The following USP34 variants were observed in gnomAD, a reference collection of about 807,000 sequenced individuals.
USP34 encodes the protein ubiquitin carboxyl-terminal hydrolase 34.
In USP34, 70 loss-of-function variants were observed where a neutral mutation model predicts 460.3. That is an observed-to-expected ratio of 0.15 (90% CI 0.13 to 0.19). USP34 has a LOEUF of 0.19. USP34 is among the 10% of genes least tolerant of loss of function. The pLI, the probability that USP34 is intolerant of heterozygous loss-of-function variation, is 1.00. For missense variants in USP34, 3,985 were observed against 4,236.2 expected, an observed-to-expected ratio of 0.94 and a Z score of 1.65; for synonymous variants, 1,647 against 1,405.3, an observed-to-expected ratio of 1.17 and a Z score of -3.85.
Position 61,223,389 on chromosome 2 carries a change from A to G in USP34, c.7596-93T>C, listed in dbSNP as rs1687643716. 17 of 1,262,048 alleles carry G rather than the reference A, an allele frequency of 1.3e-5. No individual in the cohort carries two copies. In the South Asian group the frequency reaches 2.2e-4, roughly 16 times the overall value. 78.2% of individuals were successfully genotyped at this position (1,262,048 alleles called of 1,614,324 possible). On this transcript the variant is annotated intron_variant, in intron 62 of 79. Transcript: ENST00000398571. Reference sequence around the variant, plus strand: ...TGTATCAAAAATTGTTGATTCAATTATAATTGTATTAACCTGCCATCATAA... The same window carrying G: ...TGTATCAAAAATTGTTGATTCAATTGTAATTGTATTAACCTGCCATCATAA...
At position 61,443,898 on chromosome 2, in the gene USP34, G is replaced by A. The variant is rs78918282; in HGVS notation, c.44-23065C>T. 7.9e-5 allele frequency among the ~76,000 whole-genome samples: 12 copies of A among 152,128 alleles called. 1 individual carries two copies. Among genetic ancestry groups the A allele is most frequent in the African/African-American group, 2.7e-4 (11 of 41,404 alleles). On this transcript the variant is annotated intron_variant, in intron 1 of 79. Coordinates refer to ENST00000398571, the MANE Select transcript of USP34 (RefSeq NM_014709.4). ...AGATGTTGATAATGGAGGAGGCTTCGTGTGTGGGGAGTCAGGTGGCATACC... is the reference window on the plus strand; with the variant it reads ...AGATGTTGATAATGGAGGAGGCTTCATGTGTGGGGAGTCAGGTGGCATACC...
At chr2:61,467,617 GT>G (rs3980937) in intron 1 of USP34, among the ~76,000 whole-genome samples, 50 of 106,034 alleles carry the variant, frequency 4.7e-4, no homozygotes, top group Middle Eastern at 6.7e-3. Context: ...CTGTAACTTT[GT>G]TTTTTTTTTT....
intron 37 of USP34, 83 bp downstream of exon 37, chr2:61,283,062 T>C: frequency 6.9e-7 from 1 of 1,442,434 alleles, no homozygotes; most frequent in Non-Finnish European, 9.5e-7. Flanking sequence ...GCATATTTGT[T>C]TCCATTAGCT....
At chr2:61,283,814 C>T (rs1029188601) in intron 35 of USP34, among the ~76,000 whole-genome samples, 1 of 151,986 alleles carries the variant, frequency 6.6e-6, no homozygotes, top group Non-Finnish European at 1.5e-5. Context: ...TTTAAGAGAG[C>T]TCCATTATTT....
chr2:61,195,076 T>C (rs1428332348), intron 75 of USP34, among the ~76,000 whole-genome samples: 2 of 149,982 alleles, frequency 1.3e-5, no homozygotes, highest in African/African-American at 2.5e-5. Flanking sequence ...AAAAATTGGC[T>C]GGGTGTGGTG....
At chr2:61,395,023 T>C in intron 4 of USP34, 21 bp from the exon 5 acceptor site, 3 of 1,560,612 alleles carry the variant, frequency 1.9e-6, no homozygotes, top group South Asian at 2.5e-5. Flanking sequence ...AAAGAAAACA[T>C]GTCATTATTT....
At chr2:61,210,281 A>G (rs372752848) in intron 69 of USP34, among the ~76,000 whole-genome samples, 1 of 152,226 alleles carries the variant, frequency 6.6e-6, no homozygotes. Flanking sequence ...AGTGCCCTAC[A>G]CAAGTGTACC....
intron 1 of USP34, among the ~76,000 whole-genome samples, chr2:61,430,550 TATATG>T (rs1298887550): frequency 1.3e-5 from 2 of 152,206 alleles, no homozygotes; most frequent in East Asian, 3.8e-4. Context: ...TTGTGGTTCT[TATATG>T]AGTGTATACA....
In USP34 at chr2:61,280,315, G is replaced by C. The variant is rs184447011; in HGVS notation, c.5185C>G (p.Pro1729Ala). 6.5e-7 allele frequency: 1 copy of C among 1,549,668 alleles called. No individual in the cohort carries two copies. The highest frequency in any genetic ancestry group is 1.9e-5 in the Admixed American group (1 of 52,646). ...DDYEEEPILK[P>A]GCKEYFWLLC... ...AACCAAAAATACTCTTTACATCCTG[G>C]TTTTAATATTGGTTCTTCCTCATAA... is the stretch of plus-strand genomic sequence containing the variant. Residue 1729 changes from proline (P) to alanine (A), a missense_variant, in exon 39 of 80, where the codon CCA (proline) becomes GCA (alanine). Coordinates refer to ENST00000398571, the MANE Select transcript of USP34 (RefSeq NM_014709.4).
chr2:61,254,342 T>C (rs1015891114), intron 48 of USP34, among the ~76,000 whole-genome samples: 2 of 152,358 alleles, frequency 1.3e-5, no homozygotes, highest in South Asian at 4.1e-4. Context: ...TTTCCAACAA[T>C]TACATTATTT....
At chr2:61,363,356 A>G (rs1446313468) in intron 10 of USP34, among the ~76,000 whole-genome samples, 1 of 152,222 alleles carries the variant, frequency 6.6e-6, no homozygotes, top group African/African-American at 2.4e-5. Context: ...TCCTACTCCT[A>G]GGTACACGAT....
rs774786905 is a variant in USP34 at position 61,420,872 on chromosome 2, T to G, written c.44-39A>C. The stretch of plus-strand genomic sequence containing the variant: ...GAAATTTTAAAATTATGAATAATGC[T>G]AAACCAGTATTAAAGCCAACAGTTC... On this transcript the variant is annotated intron_variant, in intron 1 of 79. Transcript: ENST00000398571. The G allele has an allele frequency of 2.7e-6, 4 of 1,474,714 alleles. No individual in the cohort carries two copies. The Admixed American group carries it at 7.3e-5, about 27-fold the overall frequency. 91.4% of individuals were successfully genotyped at this position (1,474,714 alleles called of 1,614,324 possible).
intron 1 of USP34, among the ~76,000 whole-genome samples, chr2:61,466,259 T>C (rs1166689304): frequency 6.6e-6 from 1 of 151,808 alleles, no homozygotes; most frequent in East Asian, 1.9e-4. Context: ...ACCCCATCTC[T>C]ACTAAAAATA....
At chr2:61,391,764 T>A (rs1693353978) in intron 5 of USP34, among the ~76,000 whole-genome samples, 1 of 152,174 alleles carries the variant, frequency 6.6e-6, no homozygotes, top group Non-Finnish European at 1.5e-5. Flanking sequence ...TGTAGCAAGC[T>A]TGATTACAAA....
chr2:61,395,349 A>AATTTTT (rs1693484719), intron 3 of USP34, 116 bp from the exon 4 acceptor site: 7 of 685,720 alleles, frequency 1.0e-5, no homozygotes, highest in Non-Finnish European at 1.7e-5. Flanking sequence ...TTTTGCAATT[A>AATTTTT]CTCCTGATAA....
chr2:61,294,956 C>A lies in USP34; in HGVS notation c.4454G>T (p.Ser1485Ile), dbSNP rs1294028253. 2.5e-6 allele frequency: 4 copies of A among 1,611,422 alleles called. No individual in the cohort carries two copies. Among genetic ancestry groups the A allele is most frequent in the Non-Finnish European group, 3.4e-6 (4 of 1,178,870 alleles). Reference sequence around the variant, plus strand: ...AAACACATATGATCAAACCTTGCAACTCCAGGAATTTTTACTATTTTCCAC... The same window carrying A: ...AAACACATATGATCAAACCTTGCAAATCCAGGAATTTTTACTATTTTCCAC... ...DQVENSKNSWSCKFVAAGGLQ... is the reference protein window; with the variant it reads ...DQVENSKNSWICKFVAAGGLQ... Residue 1485 changes from serine to isoleucine, a missense_variant, in exon 32 of 80, where the codon AGT (serine) becomes ATT (isoleucine). Ser to Ile is a moderately radical substitution (Grantham distance 142). This residue lies in a region of USP34 where 1,114 missense variants were observed against 1,122.5 expected (regional missense o/e 0.99). Transcript: ENST00000398571.
Position 61,380,269 on chromosome 2 carries a change from T to C in USP34, c.914A>G (p.Asp305Gly). The stretch of plus-strand genomic sequence containing the variant: ...TTCTTTATCAAAGCATAATGTTGTA[T>C]CCAATGGTTCTTTGACTGTGCTCCA... The part of the protein sequence containing the change: ...LMWSTVKEPL[D>G]TTLCFDKESL... The change falls in exon 7 of 80, where the codon GAT (aspartate) becomes GGT (glycine). Residue 305 changes from aspartate to glycine, a missense_variant. This residue lies in a region of USP34 where 70 missense variants were observed against 109.5 expected (regional missense o/e 0.64). Transcript: ENST00000398571. 1 of 1,614,158 alleles carries C rather than the reference T, an allele frequency of 6.2e-7. No individual in the cohort carries two copies.
chr2:61,307,576 C>T (rs1035848800), intron 27 of USP34, among the ~76,000 whole-genome samples: 2 of 151,198 alleles, frequency 1.3e-5, no homozygotes, highest in African/African-American at 2.4e-5. Context: ...AAATAAAGTT[C>T]TGAAAGAGGA....
At chr2:61,444,012 T>C (rs1317069720) in intron 1 of USP34, among the ~76,000 whole-genome samples, 1 of 152,176 alleles carries the variant, frequency 6.6e-6, no homozygotes, top group Non-Finnish European at 1.5e-5. Flanking sequence ...GGCTCATGCC[T>C]GTAACCCTAG....
Sources: allele counts gnomAD v4.1 joint callset (sites outside exome capture counted in the v4.1 genomes callset), GRCh38; gene constraint gnomAD v4.1.1; regional missense constraint gnomAD v4.1.1; transcripts MANE v1.5; gene names NCBI Gene and HGNC (gene_info 2026-07-23, HGNC 2026-07-21).